NPNT: variants seen among roughly 807,000 people sequenced by gnomAD.
NPNT encodes the protein preosteoblast EGF-like repeat protein with MAM domain.
A neutral mutation model predicts 68.6 loss-of-function variants in NPNT; 45 were observed. That is an observed-to-expected ratio of 0.66 (90% CI 0.52 to 0.84). The LOEUF (loss-of-function observed/expected upper bound fraction) is 0.84. Among genes scored for constraint, NPNT ranks in the 40% least tolerant of loss-of-function variants. The pLI is 0.00. For missense variants in NPNT, 672 were observed against 714.8 expected, an observed-to-expected ratio of 0.94 and a Z score of 0.68; for synonymous variants, 233 against 253.3, an observed-to-expected ratio of 0.92 and a Z score of 0.76.
intron 8 of NPNT, among the ~76,000 whole-genome samples, chr4:105,944,515 C>G (rs1055618152): frequency 1.3e-5 from 2 of 152,154 alleles, no homozygotes; most frequent in Non-Finnish European, 1.5e-5. Flanking sequence ...CAGTATTCCT[C>G]TCTATGCCAA....
intron 8 of NPNT, among the ~76,000 whole-genome samples, chr4:105,943,781 G>T (rs1426701817): frequency 1.3e-5 from 2 of 152,086 alleles, no homozygotes; most frequent in African/African-American, 4.8e-5. Flanking sequence ...TGAAGCTAAA[G>T]TTTGTGCCTT....
rs142270783 is a variant in NPNT, at chr4:105,945,416, G to A, written c.1159+2714G>A. Among the ~76,000 whole-genome samples the A allele has an allele frequency of 9.7e-3, 1,478 of 152,220 alleles. 27 individuals are homozygous for A. The highest frequency in any genetic ancestry group is 0.033 in the African/African-American group (1,380 of 41,526). ...CCTATCCAGTTGGATGAAAATAGAC[G>A]TCTCAAACTCAACATGTATAGAATT... On this transcript the variant is annotated intron_variant, in intron 8 of 11. Coordinates refer to ENST00000379987, the MANE Select transcript of NPNT (RefSeq NM_001033047.3).
intron 8 of NPNT, among the ~76,000 whole-genome samples, chr4:105,950,556 G>A (rs938422025): frequency 6.6e-6 from 1 of 152,116 alleles, no homozygotes; most frequent in Admixed American, 6.5e-5. Flanking sequence ...TTGTGCCTCA[G>A]TCTCCTGAGT....
intron 8 of NPNT, among the ~76,000 whole-genome samples, chr4:105,953,236 A>G (rs1730966660): frequency 6.6e-6 from 1 of 152,216 alleles, no homozygotes; most frequent in Non-Finnish European, 1.5e-5. Flanking sequence ...AAAAGTTCCT[A>G]CAATACATAA....
rs963330497 is a variant in NPNT, at chr4:105,969,813, G to A, written c.*823G>A. 10 of 152,258 alleles carry A rather than the reference G, an allele frequency of 6.6e-5. No homozygotes were observed. The highest frequency in any genetic ancestry group is 2.4e-4 in the African/African-American group (10 of 41,414). The allele number at this position is 152,258 out of a possible 1,614,324, so 9.4% of individuals were successfully genotyped here. A position where few individuals can be genotyped will look rare whatever the true frequency, so the allele number is the denominator to read the frequency against. On this transcript the variant is annotated 3_prime_UTR_variant, in exon 12 of 12. Coordinates refer to ENST00000379987, the MANE Select transcript of NPNT (RefSeq NM_001033047.3). ...GGCAGAAGTGTTGGGTTGTGGTAAC[G>A]GAGTGATGAATTTTTTTTTAATGGC... is the stretch of plus-strand genomic sequence containing the variant.
intron 3 of NPNT, 171 bp downstream of exon 3, chr4:105,927,599 T>C (rs924254417): frequency 5.3e-5 from 20 of 378,278 alleles, no homozygotes; most frequent in Non-Finnish European, 8.6e-5. Flanking sequence ...AAATTTCTTT[T>C]ATCAAAGGAC....
intron 2 of NPNT, among the ~76,000 whole-genome samples, chr4:105,911,163 C>T (rs1720050410): frequency 6.6e-6 from 1 of 151,492 alleles, no homozygotes; most frequent in African/African-American, 2.4e-5. Context: ...GTGTCAACAT[C>T]AAGATATGGT....
chr4:105,942,649 C>T lies in NPNT; in HGVS notation c.1106C>T (p.Thr369Ile). ...GCCAGTACACCTCCAGGAGGGATTA[C>T]AGTTGACAACAGGGTACAGACAGAC... ...PAASTPPGGI[T>I]VDNRVQTDPQ... is the part of the protein sequence containing the mutation. Residue 369 changes from threonine to isoleucine, a missense_variant, in exon 8 of 12, where the codon ACA becomes ATA. Physicochemically the swap from Thr to Ile is moderately conservative, Grantham distance 89. Transcript: ENST00000379987. 2 of 1,613,924 alleles carry T rather than the reference C, an allele frequency of 1.2e-6. No individual in the cohort carries two copies. Among genetic ancestry groups the T allele is most frequent in the Non-Finnish European group, 1.7e-6 (2 of 1,179,912 alleles).
Position 105,970,634 on chromosome 4 carries a change from C to A in NPNT, c.*1644C>A. On this transcript the variant is annotated 3_prime_UTR_variant, in exon 12 of 12. Transcript: ENST00000379987. ...CTTGGCAGGGGCCATTGTTAGAATA[C>A]TTCATAAAAAAAGAAGTGTGAAAAT... The A allele has an allele frequency of 1.6e-6, 1 of 616,340 alleles. No individual in the cohort carries two copies. The allele number at this position is 616,340 out of a possible 1,614,324, so 38.2% of individuals were successfully genotyped here. A position where few individuals can be genotyped will look rare whatever the true frequency, so the allele number is the denominator to read the frequency against.
intron 2 of NPNT, among the ~76,000 whole-genome samples, chr4:105,898,312 G>GTC (rs1386038909): frequency 1.9e-3 from 76 of 39,208 alleles, no homozygotes; most frequent in African/African-American, 2.8e-3. Flanking sequence ...CTCTCTCTCT[G>GTC]TCTCTCTCTC....
At chr4:105,922,226 G>C (rs1429242404) in intron 2 of NPNT, among the ~76,000 whole-genome samples, 1 of 151,814 alleles carries the variant, frequency 6.6e-6, no homozygotes, top group Non-Finnish European at 1.5e-5. Flanking sequence ...GTTTTCAAAT[G>C]TTGGCACTTT....
At chr4:105,945,146 T>C (rs914896354) in intron 8 of NPNT, among the ~76,000 whole-genome samples, 1 of 149,368 alleles carries the variant, frequency 6.7e-6, no homozygotes, top group African/African-American at 2.5e-5. Flanking sequence ...TTGAAAGATA[T>C]TTTTAAATTG....
At chr4:105,934,980 A>G (rs1421386985) in intron 3 of NPNT, among the ~76,000 whole-genome samples, 1 of 152,308 alleles carries the variant, frequency 6.6e-6, no homozygotes, top group Non-Finnish European at 1.5e-5. Flanking sequence ...ATTGTAGAAG[A>G]GCTGCCCCAA....
chr4:105,930,237 A>C (rs757785944), intron 3 of NPNT, among the ~76,000 whole-genome samples: 3 of 152,238 alleles, frequency 2.0e-5, no homozygotes, highest in Non-Finnish European at 4.4e-5. Context: ...CCTGAAAACT[A>C]TTATTAAAGT....
At chr4:105,956,746 T>C (rs1254493482) in intron 8 of NPNT, among the ~76,000 whole-genome samples, 2 of 152,152 alleles carry the variant, frequency 1.3e-5, no homozygotes, top group African/African-American at 4.8e-5. Context: ...GTCATTGCTG[T>C]CAGTCAGCTG....
intron 1 of NPNT, 122 bp from the exon 2 acceptor site, chr4:105,897,779 A>G: frequency 1.4e-6 from 1 of 738,266 alleles, no homozygotes; most frequent in South Asian, 1.7e-5. Context: ...TTCTGCAGGC[A>G]TAAAAGAGTT....
chr4:105,950,231 G>A (rs868438343), intron 8 of NPNT, among the ~76,000 whole-genome samples: 1 of 152,056 alleles, frequency 6.6e-6, no homozygotes, highest in East Asian at 1.9e-4. Context: ...TTTGTATTAC[G>A]AGAGGGAATA....
At chr4:105,918,129 A>G (rs1727965483) in intron 2 of NPNT, among the ~76,000 whole-genome samples, 1 of 152,228 alleles carries the variant, frequency 6.6e-6, no homozygotes, top group Non-Finnish European at 1.5e-5. Context: ...AAGGTTCTTC[A>G]ACAGATAAAT....
At chr4:105,902,809 A>G (rs1479581504) in intron 2 of NPNT, 5 of 152,178 alleles carry the variant, frequency 3.3e-5, no homozygotes, top group Non-Finnish European at 7.4e-5. Context: ...ATTTGTTAGT[A>G]TGTGTAGTCT....
Sources: gnomAD v4.1 joint callset for allele counts (sites outside exome capture counted in the v4.1 genomes callset) on GRCh38, gnomAD v4.1.1 for gene constraint, MANE v1.5 for transcripts, NCBI Gene and HGNC (gene_info 2026-07-23, HGNC 2026-07-21) for gene names.